The following MANEA variants were observed in gnomAD, a reference collection of about 807,000 sequenced individuals.
MANEA encodes the protein mannosidase endo-alpha.
Under a neutral mutation model 36.8 loss-of-function variants are expected in MANEA, and 25 were observed. That is an observed-to-expected ratio of 0.68 (90% CI 0.50 to 0.95). The LOEUF (loss-of-function observed/expected upper bound fraction) is 0.95. Ranked by LOEUF, MANEA falls within the 40% of genes least tolerant of loss-of-function variation. The probability of loss-of-function intolerance (pLI) is 0.00; values close to 1 mark genes in which losing one functional copy is unlikely to be tolerated. For synonymous variants in MANEA, 198 were observed against 188.5 expected (o/e 1.05, Z -0.41); for missense variants, 565 against 558.8 (o/e 1.01, Z -0.11).
chr6:95,591,924 G>A (rs944324495), intron 2 of MANEA, among the ~76,000 whole-genome samples: 9 of 152,074 alleles, frequency 5.9e-5, no homozygotes, highest in Admixed American at 4.6e-4. Flanking sequence ...GTATGGTCTC[G>A]ATCTCCTGAG....
intron 1 of MANEA, among the ~76,000 whole-genome samples, chr6:95,583,973 A>G (rs986735718): frequency 5.3e-5 from 8 of 152,184 alleles, no homozygotes; most frequent in Middle Eastern, 3.2e-3. Context: ...GGAGGGACTG[A>G]CTGGAGCTGC....
At chr6:95,604,061 G>GGGGGGT (rs369467389) in intron 3 of MANEA, among the ~76,000 whole-genome samples, 1 of 138,320 alleles carries the variant, frequency 7.2e-6, no homozygotes, top group African/African-American at 2.7e-5. Context: ...TATGTATGTA[G>GGGGGGT]GTGTGTGTGT....
At chr6:95,600,847 TA>T (rs1384036348) in intron 3 of MANEA, among the ~76,000 whole-genome samples, 2 of 152,238 alleles carry the variant, frequency 1.3e-5, no homozygotes, top group Admixed American at 6.5e-5. Flanking sequence ...AAACTTTTGT[TA>T]TAGTTCATTC....
rs752863350 is a variant in MANEA, at chr6:95,607,294, C to T, written c.*889C>T. 8 of 151,970 alleles carry T rather than the reference C, an allele frequency of 5.3e-5. No homozygotes were observed. In the South Asian group the frequency reaches 6.2e-4, roughly 12 times the overall value. 9.4% of individuals were successfully genotyped at this position (151,970 alleles called of 1,614,324 possible). ...AAATATCATTTTTAGTATATCTTGTCGATCTTTAAGTTGTTACTATTGTGT... is the reference window on the plus strand; with the variant it reads ...AAATATCATTTTTAGTATATCTTGTTGATCTTTAAGTTGTTACTATTGTGT... On this transcript the variant is annotated 3_prime_UTR_variant, in exon 5 of 5. Transcript: ENST00000358812.
At chr6:95,594,777 T>C (rs184025366) in intron 2 of MANEA, among the ~76,000 whole-genome samples, 2 of 152,338 alleles carry the variant, frequency 1.3e-5, no homozygotes, top group Admixed American at 1.3e-4. Context: ...AGCTAGAGGA[T>C]TGTACAAGCA....
chr6:95,596,874 A>T (rs376403575), intron 3 of MANEA, 28 bp downstream of exon 3: 11 of 1,169,150 alleles, frequency 9.4e-6, no homozygotes, highest in Non-Finnish European at 1.4e-5. Context: ...CAAGCTATAC[A>T]TAAGTTAATT....
Position 95,586,808 on chromosome 6 carries a change from G to C in MANEA, c.369G>C (p.Trp123Cys). 6.2e-7 allele frequency: 1 copy of C among 1,613,870 alleles called. No individual in the cohort carries two copies. Among genetic ancestry groups the C allele is most frequent in the Non-Finnish European group, 8.5e-7 (1 of 1,179,870 alleles). The part of the protein sequence containing the change: ...NPQFDGKYIH[W>C]NHPVLEHWDP... ...AATTTGATGGTAAATATATACATTG[G>C]AATCATCCAGTGTTAGAGCATTGGG... The change falls in exon 2 of 5, where the codon TGG becomes TGC. Residue 123 changes from tryptophan (W) to cysteine (C), a missense_variant. By Grantham distance (215) the Trp-to-Cys change is radical. Transcript: ENST00000358812.
At chr6:95,600,056 A>T (rs939745877) in intron 3 of MANEA, among the ~76,000 whole-genome samples, 2 of 152,262 alleles carry the variant, frequency 1.3e-5, no homozygotes, top group East Asian at 3.9e-4. Context: ...TACTTTCAGG[A>T]AGTTTTGAAA....
intron 2 of MANEA, among the ~76,000 whole-genome samples, chr6:95,589,673 A>C (rs1460506374): frequency 3.9e-5 from 6 of 152,120 alleles, no homozygotes; most frequent in African/African-American, 7.2e-5. Flanking sequence ...GTATTGCTGT[A>C]TTACAACTCT....
intron 2 of MANEA, among the ~76,000 whole-genome samples, chr6:95,594,764 T>A (rs1252156558): frequency 6.6e-6 from 1 of 152,254 alleles, no homozygotes; most frequent in Non-Finnish European, 1.5e-5. Flanking sequence ...AAATTAGGTC[T>A]AAAGCTAGAG....
chr6:95,606,321 C>A lies in MANEA; in HGVS notation c.1305C>A (p.Tyr435Ter), dbSNP rs1216986446. 2.5e-6 allele frequency: 4 copies of A among 1,610,844 alleles called. No individual in the cohort carries two copies. Among genetic ancestry groups the A allele is most frequent in the Admixed American group, 1.7e-5 (1 of 59,968 alleles). Reference sequence around the variant, plus strand: ...ACCGTCCTCATAAACCAGGTCTTTACCTAGAACTGACTCGCAAGTGGTCTG... The same window carrying A: ...ACCGTCCTCATAAACCAGGTCTTTAACTAGAACTGACTCGCAAGTGGTCTG... ...LDYRPHKPGL[Y>*]LELTRKWSEK... Residue 435 changes from tyrosine to a stop codon, truncating the protein, a stop_gained, in exon 5 of 5, where the codon TAC becomes TAA. Coordinates refer to ENST00000358812, the MANE Select transcript of MANEA (RefSeq NM_024641.4). LOFTEE classifies it high-confidence loss of function.
At chr6:95,597,671 A>G (rs1056507713) in intron 3 of MANEA, among the ~76,000 whole-genome samples, 12 of 152,074 alleles carry the variant, frequency 7.9e-5, no homozygotes, top group Admixed American at 6.5e-5. Context: ...AAATTTTAAT[A>G]ACATAATTGA....
Position 95,605,806 on chromosome 6 carries a change from A to G in MANEA, c.790A>G (p.Met264Val), listed in dbSNP as rs755144670. 29 of 1,613,548 alleles carry G rather than the reference A, an allele frequency of 1.8e-5. No homozygotes were observed. The highest frequency in any genetic ancestry group is 2.1e-5 in the Non-Finnish European group (25 of 1,179,634). ...YKTKTGNALP[M>V]FYVYDSYITK... ...GACGAAGACTGGCAATGCTCTTCCTATGTTTTATGTCTATGATTCCTATAT... is the reference window on the plus strand; with the variant it reads ...GACGAAGACTGGCAATGCTCTTCCTGTGTTTTATGTCTATGATTCCTATAT... The change falls in exon 5 of 5, where the codon ATG becomes GTG. Residue 264 changes from methionine to valine, a missense_variant. By Grantham distance (21) the Met-to-Val change is conservative. Transcript: ENST00000358812.
At chr6:95,590,718 G>A (rs191472767) in intron 2 of MANEA, among the ~76,000 whole-genome samples, 182 of 152,074 alleles carry the variant, frequency 1.2e-3, no homozygotes, top group African/African-American at 4.1e-3. Flanking sequence ...CCAACCTTTG[G>A]CTACAAAAAA....
chr6:95,596,326 C>G (rs1769483120), intron 2 of MANEA, among the ~76,000 whole-genome samples: 1 of 151,988 alleles, frequency 6.6e-6, no homozygotes, highest in Non-Finnish European at 1.5e-5. Flanking sequence ...AAGTGTCAAC[C>G]CTGATGTAAA....
intron 1 of MANEA, 117 bp from the exon 2 acceptor site, chr6:95,586,285 G>T: frequency 1.6e-6 from 1 of 618,344 alleles, no homozygotes; most frequent in East Asian, 2.8e-5. Context: ...AATATGTGAT[G>T]AAATCAGTAT....
At chr6:95,590,924 G>A (rs1769375898) in intron 2 of MANEA, among the ~76,000 whole-genome samples, 1 of 152,184 alleles carries the variant, frequency 6.6e-6, no homozygotes, top group African/African-American at 2.4e-5. Context: ...TTTCTGTAAA[G>A]GACTGCCTAA....
intron 3 of MANEA, among the ~76,000 whole-genome samples, chr6:95,599,098 G>C (rs951642516): frequency 6.6e-5 from 10 of 152,056 alleles, no homozygotes; most frequent in African/African-American, 2.4e-4. Flanking sequence ...CACAGAGTAA[G>C]CACTAAGTAA....
At chr6:95,596,912 A>C in intron 3 of MANEA, 66 bp downstream of exon 3, 1 of 681,356 alleles carries the variant, frequency 1.5e-6, no homozygotes. Context: ...AGTAATAACA[A>C]TTTTTGAAAT....
Sources: gnomAD v4.1 joint callset for allele counts (sites outside exome capture counted in the v4.1 genomes callset) on GRCh38, gnomAD v4.1.1 for gene constraint, MANE v1.5 for transcripts, NCBI Gene and HGNC (gene_info 2026-07-23, HGNC 2026-07-21) for gene names.